The following CEP72 variants were observed in gnomAD, a reference collection of about 807,000 sequenced individuals.
The protein encoded by CEP72 is centrosomal protein of 72 kDa.
CEP72 carries 78 observed loss-of-function variants against 65.7 expected under a neutral mutation model. The ratio of observed to expected loss-of-function variants is 1.19; its 90% CI spans 0.99 to 1.43. The LOEUF (loss-of-function observed/expected upper bound fraction) is 1.43. CEP72 is among the 40% of genes most tolerant of loss of function. The pLI is 0.00. For synonymous variants in CEP72, 358 were observed against 351.7 expected (o/e 1.02, Z -0.20); for missense variants, 914 against 832.9 (o/e 1.10, Z -1.20).
chr5:644,377 GA>G lies in CEP72; in HGVS notation c.1620del (p.Val541Ter). ...LKSLLLSMKK[E>X]VKSADTAATL... ...ATCGCTTTTGTTGAGTATGAAAAAG[GA>G]AGTGAAGAGTGCAGACACTGCAGCC... is the stretch of plus-strand genomic sequence containing the variant. On this transcript the variant is annotated frameshift_variant, in exon 10 of 12. Transcript: ENST00000264935. LOFTEE classifies it high-confidence loss of function. 6.2e-7 allele frequency: 1 copy of G among 1,613,944 alleles called. No individual in the cohort carries two copies. Among genetic ancestry groups the G allele is most frequent in the Non-Finnish European group, 8.5e-7 (1 of 1,179,938 alleles).
Position 653,240 on chromosome 5 carries a change from G to A in CEP72, c.*87G>A, listed in dbSNP as rs1318282435. 4.8e-6 allele frequency: 6 copies of A among 1,262,888 alleles called. No individual in the cohort carries two copies. Among genetic ancestry groups the A allele is most frequent in the Non-Finnish European group, 6.3e-6 (6 of 948,602 alleles). 78.2% of individuals were successfully genotyped at this position (1,262,888 alleles called of 1,614,324 possible). ...TTGTACTTCTTTATTGAGTGTACTG[G>A]CTGGCAAGAGTTCTCTCTTCTGTTG... On this transcript the variant is annotated 3_prime_UTR_variant, in exon 12 of 12. Transcript: ENST00000264935.
intron 5 of CEP72, 59 bp downstream of exon 5, chr5:634,006 C>T (rs1054075264): frequency 9.9e-6 from 15 of 1,517,150 alleles, no homozygotes; most frequent in Middle Eastern, 2.1e-4. Context: ...TATATATAGT[C>T]GTTACTGGGC....
At chr5:639,412 C>T (rs1364542423) in intron 8 of CEP72, among the ~76,000 whole-genome samples, 188 bp downstream of exon 8, 1 of 152,208 alleles carries the variant, frequency 6.6e-6, no homozygotes. Context: ...CCAGGGCTCT[C>T]GGGAGACACC....
chr5:644,094 C>G (rs967796424), intron 9 of CEP72: 1 of 560,138 alleles, frequency 1.8e-6, no homozygotes, highest in Admixed American at 3.3e-5. Flanking sequence ...CCTCACTTCC[C>G]CCCTCCCCTG....
intron 3 of CEP72, among the ~76,000 whole-genome samples, chr5:622,385 G>A (rs191015884): frequency 7.9e-4 from 120 of 152,360 alleles, no homozygotes; most frequent in Admixed American, 3.5e-3. Flanking sequence ...TGGGCACTGG[G>A]GGCTGGCAGT....
chr5:636,999 T>G (rs1241591565), intron 6 of CEP72, among the ~76,000 whole-genome samples: 1 of 152,076 alleles, frequency 6.6e-6, no homozygotes, highest in Admixed American at 6.6e-5. Flanking sequence ...GCCCGTTTTG[T>G]GCCTTCTCCT....
At chr5:659,044 G>T (rs1051511877), downstream of CEP72, among the ~76,000 whole-genome samples, 1 of 152,218 alleles carries the variant, frequency 6.6e-6, no homozygotes, top group Non-Finnish European at 1.5e-5. Flanking sequence ...TCTATTCATG[G>T]TTTTTTCCCT....
At chr5:649,238 T>TG (rs768932456) in intron 11 of CEP72, among the ~76,000 whole-genome samples, 272 of 25,180 alleles carry the variant, frequency 0.011, no homozygotes, top group African/African-American at 0.012. Flanking sequence ...CTGTGAGGTG[T>TG]GACTGTGAGG....
At chr5:633,380 T>C (rs1175196148) in intron 4 of CEP72, among the ~76,000 whole-genome samples, 3 of 116,782 alleles carry the variant, frequency 2.6e-5, no homozygotes, top group African/African-American at 8.9e-5. Flanking sequence ...TGGGGTTCTG[T>C]CCAGTGCTGG....
At chr5:632,071 G>A (rs1332965941) in intron 4 of CEP72, among the ~76,000 whole-genome samples, 1 of 48,544 alleles carries the variant, frequency 2.1e-5, no homozygotes. Context: ...GCCGGGATTT[G>A]GCCCAGTCCT....
At chr5:669,314 G>A (rs539952995), downstream of CEP72, among the ~76,000 whole-genome samples, 2 of 151,542 alleles carry the variant, frequency 1.3e-5, no homozygotes, top group Admixed American at 1.3e-4. Flanking sequence ...GCAGCTCTGT[G>A]GCGTGGGGGT....
chr5:625,883 C>T (rs1026478027), intron 4 of CEP72, among the ~76,000 whole-genome samples: 6 of 152,166 alleles, frequency 3.9e-5, no homozygotes, highest in African/African-American at 1.2e-4. Context: ...TGTCTCTCTA[C>T]GGGGCCAGGT....
downstream of CEP72, among the ~76,000 whole-genome samples, chr5:656,463 A>G (rs1580053982): frequency 6.6e-6 from 1 of 152,198 alleles, no homozygotes; most frequent in Non-Finnish European, 1.5e-5. Context: ...GCGGGTGTTC[A>G]TACAGCCTGA....
Position 640,478 on chromosome 5 carries a change from T to C in CEP72, c.1413T>C (p.Gly471=), listed in dbSNP as rs138037762. 6.2e-7 allele frequency: 1 copy of C among 1,614,208 alleles called. No homozygotes were observed. The highest frequency in any genetic ancestry group is 8.5e-7 in the Non-Finnish European group (1 of 1,180,036). The part of the protein sequence containing the change: ...TAAQDSSAMV[G]EDVGSLALES... ...CTCAGGACAGCTCTGCGATGGTGGG[T>C]GAAGATGTCGGCTCCCTGGCTCTGG... Residue 471 remains glycine, a synonymous_variant, in exon 9 of 12, where the codon GGT becomes GGC. Coordinates refer to ENST00000264935, the MANE Select transcript of CEP72 (RefSeq NM_018140.4).
exon 5 of CEP72, chr5:667,018 G>A (rs1241170505): frequency 5.3e-5 from 8 of 152,202 alleles, no homozygotes; most frequent in African/African-American, 1.9e-4. Flanking sequence ...GCATTCCGAG[G>A]GCACTCCCAG....
At chr5:634,256 G>T (rs1338070187) in intron 5 of CEP72, among the ~76,000 whole-genome samples, 2 of 152,238 alleles carry the variant, frequency 1.3e-5, no homozygotes, top group Non-Finnish European at 2.9e-5. Flanking sequence ...AAGTGGGGCT[G>T]ACATCTGCGG....
At position 624,582 on chromosome 5, in the gene CEP72, A is replaced by G. The variant is rs745672749; in HGVS notation, c.512+3A>G. 4.4e-6 allele frequency: 7 copies of G among 1,599,020 alleles called. No homozygotes were observed. Among genetic ancestry groups the G allele is most frequent in the Non-Finnish European group, 6.0e-6 (7 of 1,166,190 alleles). ...CCAGCTTCTTTGAAAGAGGGCAGGTATGAACGGAAGTGCTACGGACACCCA... is the reference window on the plus strand; with the variant it reads ...CCAGCTTCTTTGAAAGAGGGCAGGTGTGAACGGAAGTGCTACGGACACCCA... On this transcript the variant is annotated splice_donor_region_variant and intron_variant, in intron 4 of 11. Transcript: ENST00000264935. The surrounding 1 kb of genome is among the most constrained non-coding windows in gnomAD (Gnocchi z 4.7).
Position 647,834 on chromosome 5 carries a change from G to T in CEP72, c.1696G>T (p.Gly566Cys). 1 of 1,612,508 alleles carries T rather than the reference G, an allele frequency of 6.2e-7. No individual in the cohort carries two copies. The highest frequency in any genetic ancestry group is 1.7e-4 in the Middle Eastern group (1 of 6,036). The change falls in exon 11 of 12, where the codon GGC (glycine) becomes TGC (cysteine). Residue 566 changes from glycine (G) to cysteine (C), a missense_variant. Gly to Cys is a radical substitution (Grantham distance 159). Coordinates refer to ENST00000264935, the MANE Select transcript of CEP72 (RefSeq NM_018140.4). ...GLQTSVKRLCGEIVELKQHLE... is the reference protein window; with the variant it reads ...GLQTSVKRLCCEIVELKQHLE... ...TCAAACAAGTGTGAAGAGGCTGTGTGGCGAGATTGTGGAACTGAAGCAGCA... is the reference window on the plus strand; with the variant it reads ...TCAAACAAGTGTGAAGAGGCTGTGTTGCGAGATTGTGGAACTGAAGCAGCA...
downstream of CEP72, among the ~76,000 whole-genome samples, chr5:654,743 G>A (rs1739325669): frequency 6.6e-6 from 1 of 152,150 alleles, no homozygotes; most frequent in South Asian, 2.1e-4. Flanking sequence ...GGGTTTCATT[G>A]AGCTTCTTGG....
Sources: gnomAD v4.1 joint callset for allele counts (sites outside exome capture counted in the v4.1 genomes callset) on GRCh38, gnomAD v4.1.1 for gene constraint, Gnocchi (gnomAD v3.1) non-coding constraint, MANE v1.5 for transcripts, NCBI Gene and HGNC (gene_info 2026-07-23, HGNC 2026-07-21) for gene names.